CLCA2: variants seen among roughly 807,000 people sequenced by gnomAD.
CLCA2 encodes the protein calcium-activated chloride channel regulator 2.
In CLCA2, 85 loss-of-function variants were observed where a neutral mutation model predicts 82.9. The observed-to-expected ratio is 1.03, with a 90% confidence interval of 0.86 to 1.23. The LOEUF is 1.23. CLCA2 is among the 50% of genes most tolerant of loss of function. The pLI is 0.00. For missense variants in CLCA2, 1,089 were observed against 1,124.8 expected (o/e 0.97, Z 0.45); for synonymous variants, 421 against 391.7 (o/e 1.07, Z -0.88).
At chr1:86,452,042 T>C (rs1322443068) in intron 12 of CLCA2, among the ~76,000 whole-genome samples, 1 of 152,092 alleles carries the variant, frequency 6.6e-6, no homozygotes, top group African/African-American at 2.4e-5. Context: ...AAGCTTAAAA[T>C]CCAGATCTAA....
At chr1:86,430,835 C>T in intron 3 of CLCA2, 27 bp from the exon 4 acceptor site, 1 of 1,586,078 alleles carries the variant, frequency 6.3e-7, no homozygotes, top group Non-Finnish European at 8.6e-7. Context: ...TTTAGAAGCT[C>T]AAAAGCAAAA....
intron 2 of CLCA2, among the ~76,000 whole-genome samples, chr1:86,426,765 A>T (rs1199962742): frequency 1.3e-5 from 2 of 152,158 alleles, no homozygotes; most frequent in African/African-American, 4.8e-5. Flanking sequence ...TCCAAAACCC[A>T]TGCTTTTTGC....
intron 9 of CLCA2, among the ~76,000 whole-genome samples, chr1:86,443,275 C>T (rs561643404): frequency 2.0e-5 from 3 of 152,284 alleles, no homozygotes; most frequent in African/African-American, 7.2e-5. Context: ...GCAATCCACT[C>T]GCCTTGGCCT....
rs550340833 is a variant in CLCA2, at chr1:86,447,186, T to A, written c.1714-322T>A. 2.8e-4 allele frequency among the ~76,000 whole-genome samples: 43 copies of A among 152,310 alleles called. No homozygotes were observed. The Middle Eastern group carries it at 0.01, about 36-fold the overall frequency. On this transcript the variant is annotated intron_variant, in intron 10 of 13. Transcript: ENST00000370565. ...GGGGCTCAGATTAATATCTGTAAAG[T>A]ACTTTGAAGCTGGACACTATTATTG...
At position 86,443,913 on chromosome 1, in the gene CLCA2, A is replaced by G; in HGVS notation, c.1615A>G (p.Ile539Val). 6.2e-7 allele frequency: 1 copy of G among 1,613,484 alleles called. No homozygotes were observed. ...TWQASGPPEI[I>V]LFDPDGRKYY... ...GCAGGCCAGTGGTCCTCCTGAGATT[A>G]TATTATTTGATCCTGATGGACGAAA... is the stretch of plus-strand genomic sequence containing the variant. Residue 539 changes from isoleucine to valine, a missense_variant, in exon 10 of 14, where the codon ATA becomes GTA. Coordinates refer to ENST00000370565, the MANE Select transcript of CLCA2 (RefSeq NM_006536.7).
rs780824760 is a variant in CLCA2, at chr1:86,440,267, C to T, written c.1323C>T (p.His441=). ...PTVLSSGSTI[H]SIALGSSAAP... Reference sequence around the variant, plus strand: ...TGCTCAGCAGTGGTTCAACAATTCACTCCATTGCCCTGGGTTCATCTGCAG... The same window carrying T: ...TGCTCAGCAGTGGTTCAACAATTCATTCCATTGCCCTGGGTTCATCTGCAG... Residue 441 remains histidine (H), a synonymous_variant, in exon 8 of 14, where the codon CAC becomes CAT. Transcript: ENST00000370565. The T allele has an allele frequency of 1.2e-6, 2 of 1,614,164 alleles. No individual in the cohort carries two copies. Among genetic ancestry groups the T allele is most frequent in the East Asian group, 2.2e-5 (1 of 44,878 alleles).
At chr1:86,450,517 T>C (rs55807512) in intron 11 of CLCA2, 46 bp from the exon 12 acceptor site, 49,242 of 1,426,212 alleles carry the variant, frequency 0.035, 1,126 homozygotes, top group Non-Finnish European at 0.041. Context: ...ATATTAGTAA[T>C]CTACTATAAT....
At chr1:86,440,033 A>T in intron 7 of CLCA2, 115 bp from the exon 8 acceptor site, 2 of 962,452 alleles carry the variant, frequency 2.1e-6, no homozygotes, top group Admixed American at 2.1e-5. Context: ...ACTTGAGTGG[A>T]GATGGGCGTG....
chr1:86,439,913 A>G (rs973122773), intron 7 of CLCA2, among the ~76,000 whole-genome samples: 4 of 152,186 alleles, frequency 2.6e-5, no homozygotes, highest in African/African-American at 9.7e-5. Context: ...TGATGGATAC[A>G]GTTCTAAACT....
intron 6 of CLCA2, among the ~76,000 whole-genome samples, chr1:86,436,720 G>GTT (rs533993297): frequency 6.7e-6 from 1 of 148,896 alleles, no homozygotes; most frequent in Non-Finnish European, 1.5e-5. Flanking sequence ...TGTTGTTTTG[G>GTT]TTTTTTTTTT....
At chr1:86,429,325 C>T (rs1255924916) in intron 3 of CLCA2, among the ~76,000 whole-genome samples, 1 of 152,116 alleles carries the variant, frequency 6.6e-6, no homozygotes, top group Admixed American at 6.6e-5. Context: ...CAACTCTAAG[C>T]GATGAGAAAT....
chr1:86,446,494 G>T (rs1305921688), intron 10 of CLCA2, among the ~76,000 whole-genome samples: 2 of 152,016 alleles, frequency 1.3e-5, no homozygotes, highest in African/African-American at 4.8e-5. Context: ...TACACTCAGA[G>T]AACTTTTTGA....
intron 3 of CLCA2, among the ~76,000 whole-genome samples, chr1:86,429,022 G>C (rs1333235298): frequency 1.3e-5 from 2 of 152,118 alleles, no homozygotes; most frequent in Non-Finnish European, 2.9e-5. Context: ...ACATACATGA[G>C]GGCCAGGTGA....
intron 12 of CLCA2, among the ~76,000 whole-genome samples, chr1:86,452,775 A>T (rs1662998572): frequency 6.6e-6 from 1 of 152,122 alleles, no homozygotes; most frequent in Non-Finnish European, 1.5e-5. Context: ...TCTTACACTT[A>T]TCATACTTTG....
At position 86,428,460 on chromosome 1, in the gene CLCA2, G is replaced by T. The variant is rs1662430593; in HGVS notation, c.367G>T (p.Asp123Tyr). 6.2e-7 allele frequency: 1 copy of T among 1,612,224 alleles called. No individual in the cohort carries two copies. Among genetic ancestry groups the T allele is most frequent in the African/African-American group, 1.3e-5 (1 of 74,828 alleles). Reference protein sequence around the residue: ...VTDWYGAHGDDPYTLQYRGCG... With the variant: ...VTDWYGAHGDYPYTLQYRGCG... The stretch of plus-strand genomic sequence containing the variant: ...TGACTGGTATGGGGCACATGGAGAT[G>T]ATCCATACACCCTACAATACAGAGG... Residue 123 changes from aspartate (D) to tyrosine (Y), a missense_variant, in exon 3 of 14, where the codon GAT (aspartate) becomes TAT (tyrosine). Transcript: ENST00000370565.
chr1:86,437,393 C>T (rs12058493), intron 6 of CLCA2, among the ~76,000 whole-genome samples: 15,807 of 152,096 alleles, frequency 0.1, 977 homozygotes, highest in African/African-American at 0.16. Context: ...ACTATGTGAG[C>T]ACTGAAGAGG....
chr1:86,424,495 A>G (rs904020994), intron 1 of CLCA2, 62 bp downstream of exon 1: 2 of 1,386,846 alleles, frequency 1.4e-6, no homozygotes, highest in East Asian at 2.3e-5. Flanking sequence ...AGCCTTATTT[A>G]GAAGCTAACT....
chr1:86,435,926 A>C (rs1662600302), intron 6 of CLCA2, among the ~76,000 whole-genome samples: 1 of 52,570 alleles, frequency 1.9e-5, no homozygotes, highest in Admixed American at 2.9e-4. Context: ...TTACATTTTA[A>C]ATGGTTAAAA....
chr1:86,424,568 C>T (rs901732784), intron 1 of CLCA2, 135 bp downstream of exon 1: 49 of 681,712 alleles, frequency 7.2e-5, no homozygotes, highest in Non-Finnish European at 9.5e-5. Flanking sequence ...AGCGCCACAA[C>T]GTTATGATTA....
Sources: allele counts gnomAD v4.1 joint callset (sites outside exome capture counted in the v4.1 genomes callset), GRCh38; gene constraint gnomAD v4.1.1; transcripts MANE v1.5; gene names NCBI Gene and HGNC (gene_info 2026-07-23, HGNC 2026-07-21).